The following SPIDR variants were observed in gnomAD, a reference collection of about 807,000 sequenced individuals.
The protein encoded by SPIDR is scaffold protein involved in DNA repair.
A neutral mutation model predicts 104.6 loss-of-function variants in SPIDR; 93 were observed. That is an observed-to-expected ratio of 0.89 (90% CI 0.75 to 1.06). The LOEUF is 1.06. Ranked by LOEUF, SPIDR falls within the 50% of genes least tolerant of loss-of-function variation. The pLI is 0.00. For missense variants in SPIDR, 1,154 were observed against 1,111.2 expected (o/e 1.04, Z -0.55); for synonymous variants, 431 against 416.9 (o/e 1.03, Z -0.41).
In SPIDR at chr8:47,629,620, G is replaced by T. The variant is rs1431397439; in HGVS notation, c.1544+30424G>T. Among the ~76,000 whole-genome samples the T allele has an allele frequency of 2.0e-5, 3 of 152,222 alleles. No homozygotes were observed. In the East Asian group the frequency reaches 5.8e-4, roughly 29 times the overall value. ...ATACAAAAATTAGCTGGGTGTGGCG[G>T]CATGAACCTGTAATCCCAGCTACTC... On this transcript the variant is annotated intron_variant, in intron 10 of 19. Coordinates refer to ENST00000297423, the MANE Select transcript of SPIDR (RefSeq NM_001080394.4).
chr8:47,562,721 G>T (rs1210544223), intron 8 of SPIDR, among the ~76,000 whole-genome samples: 1 of 152,166 alleles, frequency 6.6e-6, no homozygotes, highest in Non-Finnish European at 1.5e-5. Flanking sequence ...TTCCCCATTT[G>T]TGAATGTGTA....
chr8:47,713,716 T>C lies in SPIDR; in HGVS notation c.2341+75T>C, dbSNP rs117927955. On this transcript the variant is annotated intron_variant, in intron 16 of 19. Transcript: ENST00000297423. Reference sequence around the variant, plus strand: ...TACTTTATATTCATTTACTCATTTATTCAACAAGTATTTGTGGAGCACCCG... The same window carrying C: ...TACTTTATATTCATTTACTCATTTACTCAACAAGTATTTGTGGAGCACCCG... The C allele has an allele frequency of 3.1e-3, 4,883 of 1,567,276 alleles. 75 individuals are homozygous for C. The East Asian group carries it at 0.034, about 11-fold the overall frequency.
chr8:47,518,072 TA>T (rs1375376093), intron 8 of SPIDR, among the ~76,000 whole-genome samples: 16 of 152,248 alleles, frequency 1.1e-4, no homozygotes, highest in Non-Finnish European at 1.6e-4. Context: ...TTAATACTTT[TA>T]AAAAATATTT....
At chr8:47,290,598 A>G (rs1256483923) in intron 3 of SPIDR, among the ~76,000 whole-genome samples, 1 of 152,228 alleles carries the variant, frequency 6.6e-6, no homozygotes, top group Non-Finnish European at 1.5e-5. Context: ...TGTTTTAAGC[A>G]CCCTGCTACC....
At chr8:47,313,029 C>A (rs1329178590) in intron 5 of SPIDR, among the ~76,000 whole-genome samples, 4 of 152,292 alleles carry the variant, frequency 2.6e-5, no homozygotes, top group Non-Finnish European at 4.4e-5. Context: ...CTCACCACTC[C>A]TATTCAACAT....
chr8:47,446,477 C>T (rs782612496), intron 8 of SPIDR, among the ~76,000 whole-genome samples: 2 of 152,030 alleles, frequency 1.3e-5, no homozygotes, highest in South Asian at 2.1e-4. Flanking sequence ...AGGAGATGAA[C>T]GTCGTTTTCA....
Position 47,321,664 on chromosome 8 carries a change from T to C in SPIDR, c.525+27634T>C, listed in dbSNP as rs544516976. 9.8e-4 allele frequency among the ~76,000 whole-genome samples: 149 copies of C among 152,262 alleles called. 1 individual carries two copies. Among genetic ancestry groups the C allele is most frequent in the African/African-American group, 3.2e-3 (134 of 41,564 alleles). ...CAATCCTAAGGTGAAAGAACAAAGC[T>C]GGAGGCATCGTGCTACCTGACTTCA... On this transcript the variant is annotated intron_variant, in intron 5 of 19. Transcript: ENST00000297423.
At chr8:47,265,268 C>T (rs900491681) in intron 1 of SPIDR, among the ~76,000 whole-genome samples, 5 of 148,944 alleles carry the variant, frequency 3.4e-5, no homozygotes, top group Admixed American at 1.3e-4. Flanking sequence ...TGGCTCACTG[C>T]AGTCTTGAGC....
chr8:47,270,434 T>C (rs922472011), intron 1 of SPIDR, among the ~76,000 whole-genome samples: 27 of 152,134 alleles, frequency 1.8e-4, no homozygotes, highest in Non-Finnish European at 3.7e-4. Flanking sequence ...TATTTCCTTA[T>C]AATGTTCTCT....
intron 8 of SPIDR, among the ~76,000 whole-genome samples, chr8:47,494,173 G>T (rs1019519709): frequency 6.6e-6 from 1 of 150,812 alleles, no homozygotes; most frequent in African/African-American, 2.4e-5. Flanking sequence ...ATTTTTCATG[G>T]AAATGGGGGT....
intron 7 of SPIDR, among the ~76,000 whole-genome samples, chr8:47,421,283 A>G (rs985143369): frequency 6.6e-6 from 1 of 152,156 alleles, no homozygotes; most frequent in African/African-American, 2.4e-5. Context: ...ACATAGTCCT[A>G]TATTTCTTGG....
chr8:47,632,627 C>T (rs184580125), intron 10 of SPIDR, among the ~76,000 whole-genome samples: 4 of 152,268 alleles, frequency 2.6e-5, no homozygotes, highest in Non-Finnish European at 5.9e-5. Flanking sequence ...GGTCCTCATT[C>T]CCACTGCACA....
intron 10 of SPIDR, 27 bp downstream of exon 10, chr8:47,599,223 C>T (rs201862783): frequency 3.4e-4 from 540 of 1,610,110 alleles, no homozygotes; most frequent in Non-Finnish European, 4.2e-4. Context: ...TGGTGTGGGG[C>T]AGAGGTGAAG....
intron 1 of SPIDR, among the ~76,000 whole-genome samples, chr8:47,265,398 C>T (rs1004978528): frequency 2.0e-5 from 3 of 151,296 alleles, no homozygotes; most frequent in African/African-American, 7.3e-5. Context: ...GCTGTGTTGC[C>T]GAGGCTGGTC....
intron 5 of SPIDR, among the ~76,000 whole-genome samples, chr8:47,359,933 ACTCT>A (rs1322812942): frequency 1.5e-4 from 22 of 151,674 alleles, no homozygotes; most frequent in Admixed American, 1.4e-3. Flanking sequence ...ACAATTTATC[ACTCT>A]CTCTCATTGA....
At chr8:47,512,606 C>T (rs1444992310) in intron 8 of SPIDR, among the ~76,000 whole-genome samples, 1 of 152,164 alleles carries the variant, frequency 6.6e-6, no homozygotes, top group African/African-American at 2.4e-5. Flanking sequence ...ACAGCCCTGA[C>T]CACGGAGAGG....
In SPIDR at chr8:47,698,976, A is replaced by G. The variant is rs542976395; in HGVS notation, c.1686-1427A>G. On this transcript the variant is annotated intron_variant, in intron 11 of 19. Transcript: ENST00000297423. Reference sequence around the variant, plus strand: ...AAACTCCAAATTTTTAGGGAAATTGATAAGCACTCTGTCACTGTCTGGAAA... The same window carrying G: ...AAACTCCAAATTTTTAGGGAAATTGGTAAGCACTCTGTCACTGTCTGGAAA... Among the ~76,000 whole-genome samples the G allele has an allele frequency of 1.2e-4, 18 of 152,322 alleles. No homozygotes were observed. The South Asian group carries it at 3.7e-3, about 32-fold the overall frequency.
chr8:47,394,525 G>A (rs2061018949), intron 5 of SPIDR, among the ~76,000 whole-genome samples: 1 of 152,198 alleles, frequency 6.6e-6, no homozygotes, highest in Non-Finnish European at 1.5e-5. Flanking sequence ...CCTGACTGGT[G>A]GGGCAGTGCT....
chr8:47,371,689 G>A (rs2058049627), intron 5 of SPIDR, among the ~76,000 whole-genome samples: 1 of 152,248 alleles, frequency 6.6e-6, no homozygotes, highest in Non-Finnish European at 1.5e-5. Context: ...TTACTTCTCT[G>A]TAAAATGGGT....
Sources: allele counts gnomAD v4.1 joint callset (sites outside exome capture counted in the v4.1 genomes callset), GRCh38; gene constraint gnomAD v4.1.1; transcripts MANE v1.5; gene names NCBI Gene and HGNC (gene_info 2026-07-23, HGNC 2026-07-21).